The following CLVS1 variants were observed in gnomAD, a reference collection of about 807,000 sequenced individuals.
CLVS1 encodes clavesin-1.
CLVS1 carries 10 observed loss-of-function variants against 33.1 expected under a neutral mutation model. That is an observed-to-expected ratio of 0.30 (90% confidence interval 0.19 to 0.51). The LOEUF (loss-of-function observed/expected upper bound fraction) is 0.51, where lower values mean the gene tolerates loss of function less well. CLVS1 is among the 20% of genes least tolerant of loss of function. The pLI, the probability that CLVS1 is intolerant of heterozygous loss-of-function variation, is 0.97. For missense variants in CLVS1, 343 were observed against 433.4 expected, an observed-to-expected ratio of 0.79 and a Z score of 1.85; for synonymous variants, 163 against 166.1, an observed-to-expected ratio of 0.98 and a Z score of 0.14.
At chr8:60,988,634 C>T in the CLVS1 span, among the ~76,000 whole-genome samples, 1 of 152,152 alleles carries the variant, frequency 6.6e-6, no homozygotes, top group East Asian at 1.9e-4. Flanking sequence ...TTTACAGTAT[C>T]CATAGCAGTA....
At chr8:61,334,962 A>G (rs1304600141) in intron 2 of CLVS1, among the ~76,000 whole-genome samples, 1 of 152,196 alleles carries the variant, frequency 6.6e-6, no homozygotes, top group Non-Finnish European at 1.5e-5. Context: ...CACAGGTTTT[A>G]AGGATAATTT....
At chr8:61,435,094 G>A (rs900578241) in intron 3 of CLVS1, among the ~76,000 whole-genome samples, 3 of 152,180 alleles carry the variant, frequency 2.0e-5, no homozygotes, top group Non-Finnish European at 4.4e-5. Flanking sequence ...GATCCCTTAG[G>A]TAGGAATTTG....
chr8:61,137,595 T>C (rs1806214084), intron 2 of CLVS1, among the ~76,000 whole-genome samples: 3 of 152,210 alleles, frequency 2.0e-5, no homozygotes, highest in African/African-American at 7.2e-5. Context: ...AGCGTCTTCA[T>C]GTTGCCCTCC....
chr8:61,387,996 G>A (rs140720094), intron 3 of CLVS1, among the ~76,000 whole-genome samples: 127 of 152,230 alleles, frequency 8.3e-4, no homozygotes, highest in Middle Eastern at 3.4e-3. Context: ...ATACCGAGGA[G>A]GGGGATTGCT....
At chr8:61,175,676 A>T (rs1405768067) in intron 2 of CLVS1, among the ~76,000 whole-genome samples, 1 of 152,236 alleles carries the variant, frequency 6.6e-6, no homozygotes, top group East Asian at 1.9e-4. Flanking sequence ...CTGTGCTGCC[A>T]TAAGCCAAGG....
chr8:61,462,071 T>C (rs1431416853), intron 5 of CLVS1, among the ~76,000 whole-genome samples: 2 of 152,236 alleles, frequency 1.3e-5, no homozygotes, highest in African/African-American at 4.8e-5. Flanking sequence ...AGAAGGCTGA[T>C]GCAGAGACTT....
intron 3 of CLVS1, 51 bp from the exon 4 acceptor site, chr8:61,454,090 C>A: frequency 3.1e-6 from 4 of 1,283,724 alleles, no homozygotes; most frequent in South Asian, 2.4e-5. Flanking sequence ...CTGGTCCAGT[C>A]TAACAAGGTG....
At chr8:61,256,220 A>G (rs942879184) in intron 2 of CLVS1, among the ~76,000 whole-genome samples, 1 of 152,236 alleles carries the variant, frequency 6.6e-6, no homozygotes, top group Non-Finnish European at 1.5e-5. Context: ...ACAATGTTTT[A>G]AAATATTATT....
chr8:61,404,722 G>T (rs1814914736), intron 3 of CLVS1, among the ~76,000 whole-genome samples: 1 of 152,176 alleles, frequency 6.6e-6, no homozygotes, highest in African/African-American at 2.4e-5. Flanking sequence ...ATTTGTCCAG[G>T]CCAGTTGCAT....
chr8:61,442,982 G>C (rs74828568), intron 3 of CLVS1, among the ~76,000 whole-genome samples: 1 of 152,064 alleles, frequency 6.6e-6, no homozygotes, highest in Non-Finnish European at 1.5e-5. Flanking sequence ...TTTCACTAAT[G>C]GTTAATGATG....
Position 61,481,961 on chromosome 8 carries a change from T to A in CLVS1, c.978-17494T>A, listed in dbSNP as rs568267912. The stretch of plus-strand genomic sequence containing the variant: ...GAGACATCTCCCAGTAGGGGCCGAC[T>A]GACACCTCATACAGCTAGGTGCCCC... On this transcript the variant is annotated intron_variant, in intron 5 of 5. Coordinates refer to ENST00000325897, the MANE Select transcript of CLVS1 (RefSeq NM_173519.3). 2.6e-5 allele frequency among the ~76,000 whole-genome samples: 4 copies of A among 152,332 alleles called. No individual in the cohort carries two copies. The South Asian group carries it at 6.2e-4, about 24-fold the overall frequency.
intron 2 of CLVS1, among the ~76,000 whole-genome samples, chr8:61,141,186 T>A (rs1806302009): frequency 6.6e-6 from 1 of 152,204 alleles, no homozygotes. Context: ...GTCCTCCATA[T>A]TAACTTCCCT....
chr8:61,111,073 G>A lies in CLVS1; in HGVS notation c.-242-20697G>A, dbSNP rs551475913. On this transcript the variant is annotated intron_variant, in intron 1 of 2. Transcript: ENST00000522621. The stretch of plus-strand genomic sequence containing the variant: ...TACCCAGAGATTGGATTGCTGGATC[G>A]TATGGTAACTAAATGTTTAATTTTT... 6.6e-5 allele frequency among the ~76,000 whole-genome samples: 10 copies of A among 152,168 alleles called. No individual in the cohort carries two copies. In the East Asian group the frequency reaches 7.7e-4, roughly 12 times the overall value.
At chr8:61,411,939 T>C (rs999572039) in intron 3 of CLVS1, among the ~76,000 whole-genome samples, 1 of 152,038 alleles carries the variant, frequency 6.6e-6, no homozygotes, top group Non-Finnish European at 1.5e-5. Flanking sequence ...TATAACATAC[T>C]GTGAGGGTGG....
intron 2 of CLVS1, among the ~76,000 whole-genome samples, chr8:61,359,864 G>A (rs917293996): frequency 2.0e-5 from 3 of 152,242 alleles, no homozygotes; most frequent in African/African-American, 7.2e-5. Context: ...GTGTCCCCTT[G>A]GCCTGCTTCA....
At chr8:61,097,755 T>G (rs1203676683) in intron 1 of CLVS1, among the ~76,000 whole-genome samples, 1 of 152,196 alleles carries the variant, frequency 6.6e-6, no homozygotes, top group Admixed American at 6.5e-5. Flanking sequence ...TAGACTTAAT[T>G]TGCAGGCTAA....
chr8:61,379,861 A>G (rs759745316), intron 3 of CLVS1, among the ~76,000 whole-genome samples: 1 of 152,150 alleles, frequency 6.6e-6, no homozygotes, highest in African/African-American at 2.4e-5. Context: ...ACAGGCAGGG[A>G]TGCACACAGC....
intron 2 of CLVS1, among the ~76,000 whole-genome samples, chr8:61,200,487 C>G (rs933355032): frequency 6.6e-6 from 1 of 152,210 alleles, no homozygotes; most frequent in Non-Finnish European, 1.5e-5. Flanking sequence ...TGTATATGTA[C>G]TCTGTTTTCT....
the CLVS1 span, among the ~76,000 whole-genome samples, chr8:61,008,995 A>G: frequency 4.6e-5 from 7 of 152,044 alleles, no homozygotes; most frequent in South Asian, 1.5e-3. Context: ...GACCACTTGC[A>G]CCTCTTATGT....
Sources: gnomAD v4.1 joint callset for allele counts (sites outside exome capture counted in the v4.1 genomes callset) on GRCh38, gnomAD v4.1.1 for gene constraint, MANE v1.5 for transcripts, NCBI Gene and HGNC (gene_info 2026-07-23, HGNC 2026-07-21) for gene names.